Variants in SPPL3 observed in about 807,000 individuals in gnomAD.
SPPL3 encodes the protein signal peptide peptidase-like 3.
In SPPL3, 5 loss-of-function variants were observed where a neutral mutation model predicts 42.4. The ratio of observed to expected loss-of-function variants is 0.12; its 90% CI spans 0.06 to 0.25. The LOEUF is 0.25. Ranked by LOEUF, SPPL3 falls within the 10% of genes least tolerant of loss-of-function variation. SPPL3 has a pLI of 1.00. For synonymous variants in SPPL3, 195 were observed against 181.8 expected (o/e 1.07, Z -0.58); for missense variants, 235 against 489.0 (o/e 0.48, Z 4.90).
chr12:120,832,074 T>C (rs1285714977), intron 1 of SPPL3, among the ~76,000 whole-genome samples: 1 of 152,220 alleles, frequency 6.6e-6, no homozygotes, highest in Non-Finnish European at 1.5e-5. Flanking sequence ...ATAGCAATTG[T>C]ATCTGCTTAG....
At chr12:120,898,825 T>C (rs1873887248) in intron 1 of SPPL3, among the ~76,000 whole-genome samples, 1 of 152,224 alleles carries the variant, frequency 6.6e-6, no homozygotes, top group Admixed American at 6.5e-5. Flanking sequence ...CGTAAAACTC[T>C]ATCACATAGA....
At chr12:120,826,092 G>A (rs924766420) in intron 1 of SPPL3, among the ~76,000 whole-genome samples, 7 of 147,670 alleles carry the variant, frequency 4.7e-5, no homozygotes, top group African/African-American at 1.7e-4. Flanking sequence ...TTGGGAGTTC[G>A]AGACCAGCCT....
At chr12:120,783,960 C>T (rs568297) in intron 4 of SPPL3, among the ~76,000 whole-genome samples, 114,857 of 152,084 alleles carry the variant, frequency 0.76, 44,452 homozygotes, top group African/African-American at 0.91. Flanking sequence ...AGGTAAGTTT[C>T]CTAAAAGATA....
chr12:120,903,785 GC>G, intron 1 of SPPL3, 59 bp downstream of exon 1: 1 of 1,093,500 alleles, frequency 9.1e-7, no homozygotes, highest in Non-Finnish European at 1.2e-6. Context: ...TCGGCGGGCC[GC>G]GCCGGCGCCC....
At chr12:120,844,775 C>A (rs1306891124) in intron 1 of SPPL3, among the ~76,000 whole-genome samples, 6 of 151,712 alleles carry the variant, frequency 4.0e-5, no homozygotes, top group Admixed American at 6.6e-5. Context: ...GCATGCCCAG[C>A]ACTCCCAACA....
chr12:120,901,883 A>G (rs2137075134), intron 1 of SPPL3: 1 of 985,454 alleles, frequency 1.0e-6, no homozygotes. Context: ...CCTACCTAGT[A>G]AAACATTTTC....
intron 2 of SPPL3, among the ~76,000 whole-genome samples, chr12:120,801,698 G>C (rs1870303707): frequency 6.6e-6 from 1 of 152,078 alleles, no homozygotes; most frequent in African/African-American, 2.4e-5. Context: ...ACTTGATCTG[G>C]TATCATTTTT....
intron 1 of SPPL3, among the ~76,000 whole-genome samples, chr12:120,893,710 C>A (rs780316697): frequency 1.3e-4 from 20 of 152,144 alleles, no homozygotes; most frequent in Non-Finnish European, 2.6e-4. Flanking sequence ...CCTAAAAATT[C>A]TCTTATGCCT....
At position 120,903,945 on chromosome 12, in the gene SPPL3, G is replaced by A. The variant is rs1164346793; in HGVS notation, c.-78C>T. ...CGGGCTCGCTCGGGCCGTAGCTGAA[G>A]GCGCGGCCGGGGTCCGGTGCTTGCT... On this transcript the variant is annotated 5_prime_UTR_variant, in exon 1 of 11. Coordinates refer to ENST00000353487, the MANE Select transcript of SPPL3 (RefSeq NM_139015.5). 8.1e-7 allele frequency: 1 copy of A among 1,230,390 alleles called. No individual in the cohort carries two copies. Among genetic ancestry groups the A allele is most frequent in the Non-Finnish European group, 1.0e-6 (1 of 969,048 alleles). The allele number at this position is 1,230,390 out of a possible 1,614,324, so 76.2% of individuals were successfully genotyped here. A position where few individuals can be genotyped will look rare whatever the true frequency, so the allele number is the denominator to read the frequency against.
At chr12:120,842,224 G>T (rs931861400) in intron 1 of SPPL3, among the ~76,000 whole-genome samples, 1 of 152,156 alleles carries the variant, frequency 6.6e-6, no homozygotes, top group African/African-American at 2.4e-5. Context: ...TAAGAAGAGG[G>T]AACACAGTTA....
intron 2 of SPPL3, among the ~76,000 whole-genome samples, chr12:120,796,895 G>C (rs1381086108): frequency 2.0e-5 from 3 of 152,128 alleles, no homozygotes; most frequent in East Asian, 1.9e-4. Context: ...GGTGAGGGTG[G>C]GTGCAGTGGT....
At chr12:120,833,799 G>C (rs1276913406) in intron 1 of SPPL3, among the ~76,000 whole-genome samples, 1 of 132,396 alleles carries the variant, frequency 7.6e-6, no homozygotes, top group Non-Finnish European at 1.7e-5. Flanking sequence ...GTGTGTGTGT[G>C]TGTGTGTGTT....
intron 1 of SPPL3, among the ~76,000 whole-genome samples, chr12:120,858,816 C>T (rs1244364335): frequency 6.6e-6 from 1 of 152,176 alleles, no homozygotes. Context: ...TAGTCTCTGA[C>T]AGCAACGCTC....
At chr12:120,876,616 C>CAAAAAAAAA (rs71076676) in intron 1 of SPPL3, among the ~76,000 whole-genome samples, 2,145 of 50,952 alleles carry the variant, frequency 0.042, 125 homozygotes, top group East Asian at 0.2. Context: ...GACTCTGTCT[C>CAAAAAAAAA]AAAAAAAAAA....
chr12:120,851,665 G>A (rs79438381), intron 1 of SPPL3, among the ~76,000 whole-genome samples: 2,486 of 152,094 alleles, frequency 0.016, 28 homozygotes, highest in South Asian at 0.067. Flanking sequence ...GTGCAGTGGC[G>A]CAAACACGAC....
At chr12:120,878,122 G>C (rs1226217067) in intron 1 of SPPL3, among the ~76,000 whole-genome samples, 1 of 152,044 alleles carries the variant, frequency 6.6e-6, no homozygotes, top group African/African-American at 2.4e-5. Flanking sequence ...CTACATACCA[G>C]TAATGACCAG....
intron 1 of SPPL3, among the ~76,000 whole-genome samples, chr12:120,839,069 T>C (rs2137024142): frequency 6.6e-6 from 1 of 152,190 alleles, no homozygotes; most frequent in East Asian, 1.9e-4. Flanking sequence ...GTATGTTTAT[T>C]GTGGCACTCT....
At chr12:120,858,651 AAAGTT>A in intron 1 of SPPL3, among the ~76,000 whole-genome samples, 1 of 152,310 alleles carries the variant, frequency 6.6e-6, no homozygotes, top group South Asian at 2.1e-4. Context: ...ATAGGATGGA[AAAGTT>A]AAGAAAGGGA....
chr12:120,826,993 G>A (rs960282636), intron 1 of SPPL3, among the ~76,000 whole-genome samples: 2 of 151,888 alleles, frequency 1.3e-5, no homozygotes, highest in African/African-American at 4.8e-5. Flanking sequence ...AGCTGTAAAG[G>A]GTGCTGGACT....
Sources: allele counts gnomAD v4.1 joint callset (sites outside exome capture counted in the v4.1 genomes callset), GRCh38; gene constraint gnomAD v4.1.1; transcripts MANE v1.5; gene names NCBI Gene and HGNC (gene_info 2026-07-23, HGNC 2026-07-21).